ULK4: variants seen among roughly 807,000 people sequenced by gnomAD.
ULK4 encodes the protein inactive serine/threonine-protein kinase ULK4.
Under a neutral mutation model 160.6 loss-of-function variants are expected in ULK4, and 133 were observed. That is an observed-to-expected ratio of 0.83 (90% CI 0.72 to 0.96). The LOEUF (loss-of-function observed/expected upper bound fraction) is 0.96, where lower values mean the gene tolerates loss of function less well. ULK4 is among the 40% of genes least tolerant of loss of function. The probability of loss-of-function intolerance (pLI) is 0.00; values close to 1 mark genes in which losing one functional copy is unlikely to be tolerated. For missense variants in ULK4, 1,580 were observed against 1,499.5 expected (o/e 1.05, Z -0.89); for synonymous variants, 534 against 539.8 (o/e 0.99, Z 0.15).
At chr3:41,789,147 A>G (rs1002321597) in intron 21 of ULK4, among the ~76,000 whole-genome samples, 2 of 152,332 alleles carry the variant, frequency 1.3e-5, no homozygotes, top group East Asian at 3.9e-4. Flanking sequence ...CAGTTCTGTG[A>G]TACGAATTTA....
intron 5 of ULK4, among the ~76,000 whole-genome samples, chr3:41,922,339 T>C (rs1022807030): frequency 5.9e-5 from 9 of 152,008 alleles, no homozygotes; most frequent in Admixed American, 2.6e-4. Flanking sequence ...ATTTAAAACT[T>C]TGCCAGGCAT....
intron 32 of ULK4, among the ~76,000 whole-genome samples, chr3:41,468,937 G>A (rs2083901481): frequency 6.6e-6 from 1 of 152,194 alleles, no homozygotes; most frequent in African/African-American, 2.4e-5. Context: ...CATAGATATG[G>A]TGTTAGCTTT....
chr3:41,920,849 G>A (rs767949379), intron 5 of ULK4, among the ~76,000 whole-genome samples: 1 of 152,116 alleles, frequency 6.6e-6, no homozygotes, highest in Non-Finnish European at 1.5e-5. Flanking sequence ...CACATCGATG[G>A]AAGGTATATT....
intron 11 of ULK4, among the ~76,000 whole-genome samples, chr3:41,910,703 A>C (rs776907209): frequency 2.0e-5 from 3 of 152,246 alleles, no homozygotes; most frequent in Admixed American, 6.5e-5. Flanking sequence ...TTTGCCTTCA[A>C]AGCATTAACA....
At chr3:41,611,133 CATTT>C (rs775517969) in intron 31 of ULK4, among the ~76,000 whole-genome samples, 2 of 152,210 alleles carry the variant, frequency 1.3e-5, no homozygotes, top group Non-Finnish European at 2.9e-5. Flanking sequence ...CAGGAACCCG[CATTT>C]ATTAAACAAG....
At chr3:41,723,677 C>A (rs561185483) in intron 22 of ULK4, among the ~76,000 whole-genome samples, 50 of 152,356 alleles carry the variant, frequency 3.3e-4, no homozygotes, top group Middle Eastern at 3.4e-3. Flanking sequence ...GGCTTGCACT[C>A]AGGCAAAAGT....
intron 4 of ULK4, among the ~76,000 whole-genome samples, chr3:41,934,996 T>C (rs933381992): frequency 4.0e-5 from 6 of 150,540 alleles, no homozygotes; most frequent in African/African-American, 1.5e-4. Context: ...TACTGTACCA[T>C]ATATTTCCTT....
chr3:41,796,039 G>A (rs1372604735), intron 20 of ULK4, among the ~76,000 whole-genome samples: 1 of 152,100 alleles, frequency 6.6e-6, no homozygotes. Context: ...TAACCTTCCC[G>A]CCCAGTATCC....
intron 32 of ULK4, 122 bp from the exon 33 acceptor site, chr3:41,463,375 A>G (rs2291758): frequency 0.26 from 233,017 of 888,250 alleles, 32,038 homozygotes; most frequent in South Asian, 0.37. Flanking sequence ...CTTAAACTAT[A>G]CTCTTATCAG....
chr3:41,249,369 T>G, intron 36 of ULK4, 120 bp downstream of exon 36: 1 of 890,734 alleles, frequency 1.1e-6, no homozygotes, highest in Non-Finnish European at 1.7e-6. Context: ...TGGACAGTGA[T>G]GGGCTGGAAG....
chr3:41,391,339 CT>C (rs1432512220), intron 35 of ULK4, among the ~76,000 whole-genome samples: 5 of 152,176 alleles, frequency 3.3e-5, no homozygotes, highest in African/African-American at 1.2e-4. Flanking sequence ...ATTGAATTTA[CT>C]TTTAACTCAT....
intron 22 of ULK4, among the ~76,000 whole-genome samples, chr3:41,719,435 G>A (rs1239088227): frequency 6.6e-6 from 1 of 152,096 alleles, no homozygotes; most frequent in African/African-American, 2.4e-5. Context: ...CTGTCTTAAA[G>A]AGGTTCAAAC....
intron 35 of ULK4, among the ~76,000 whole-genome samples, chr3:41,360,552 T>C (rs2081121411): frequency 6.6e-6 from 1 of 152,184 alleles, no homozygotes; most frequent in African/African-American, 2.4e-5. Flanking sequence ...AAAGAGAATG[T>C]GGTACATATA....
At chr3:41,294,104 G>A (rs2079624384) in intron 35 of ULK4, among the ~76,000 whole-genome samples, 1 of 152,192 alleles carries the variant, frequency 6.6e-6, no homozygotes, top group Non-Finnish European at 1.5e-5. Flanking sequence ...ATACGTGTTG[G>A]ACACAATTCT....
chr3:41,395,191 C>CAAAAAAA (rs11365283), intron 35 of ULK4, among the ~76,000 whole-genome samples: 1 of 106,376 alleles, frequency 9.4e-6, no homozygotes, highest in African/African-American at 3.2e-5. Flanking sequence ...GAAAGCACTC[C>CAAAAAAA]AAAAAAAAAA....
At chr3:41,709,905 TC>T (rs1559500774) in intron 25 of ULK4, among the ~76,000 whole-genome samples, 1 of 152,118 alleles carries the variant, frequency 6.6e-6, no homozygotes, top group Non-Finnish European at 1.5e-5. Flanking sequence ...GTAACAACAA[TC>T]CCTTCTGTGT....
At chr3:41,547,714 T>C (rs975233418) in intron 32 of ULK4, among the ~76,000 whole-genome samples, 1 of 152,202 alleles carries the variant, frequency 6.6e-6, no homozygotes, top group Non-Finnish European at 1.5e-5. Flanking sequence ...TGAGGCCCAA[T>C]AGCCCCTAAA....
intron 32 of ULK4, among the ~76,000 whole-genome samples, chr3:41,539,175 T>C (rs772732455): frequency 1.6e-5 from 2 of 121,796 alleles, no homozygotes; most frequent in Non-Finnish European, 3.9e-5. Flanking sequence ...GTTCAAACCA[T>C]GTTGTTCAAG....
intron 21 of ULK4, among the ~76,000 whole-genome samples, chr3:41,766,128 G>A: frequency 6.6e-6 from 1 of 152,144 alleles, no homozygotes; most frequent in East Asian, 1.9e-4. Flanking sequence ...AATCAGCCAG[G>A]CGTGGTGGCA....
Sources: gnomAD v4.1 joint callset for allele counts (sites outside exome capture counted in the v4.1 genomes callset) on GRCh38, gnomAD v4.1.1 for gene constraint, MANE v1.5 for transcripts, NCBI Gene and HGNC (gene_info 2026-07-23, HGNC 2026-07-21) for gene names.